Variants in OSBPL9 observed in about 807,000 individuals in gnomAD.
OSBPL9 encodes the protein oxysterol-binding protein-related protein 9.
Under a neutral mutation model 106.6 loss-of-function variants are expected in OSBPL9, and 40 were observed. The observed-to-expected ratio is 0.38, with a 90% CI of 0.29 to 0.49. OSBPL9 has a LOEUF of 0.49. Among genes scored for constraint, OSBPL9 ranks in the 20% least tolerant of loss-of-function variants. The pLI, the probability that OSBPL9 is intolerant of heterozygous loss-of-function variation, is 0.97. For missense variants in OSBPL9, 609 were observed against 887.2 expected, an observed-to-expected ratio of 0.69 and a Z score of 3.98; for synonymous variants, 269 against 295.4, an observed-to-expected ratio of 0.91 and a Z score of 0.92.
At chr1:51,689,104 A>G (rs1654434027) in intron 3 of OSBPL9, among the ~76,000 whole-genome samples, 1 of 152,190 alleles carries the variant, frequency 6.6e-6, no homozygotes, top group Non-Finnish European at 1.5e-5. Flanking sequence ...TTTTAAGTCT[A>G]AAGGGCTTCC....
intron 12 of OSBPL9, among the ~76,000 whole-genome samples, chr1:51,770,046 C>CT (rs777119645): frequency 4.6e-5 from 7 of 152,220 alleles, no homozygotes; most frequent in Admixed American, 3.3e-4. Context: ...ACACAGCTCA[C>CT]TATAGCCTCA....
intron 3 of OSBPL9, among the ~76,000 whole-genome samples, chr1:51,703,480 G>A (rs1272228393): frequency 6.6e-6 from 1 of 152,106 alleles, no homozygotes; most frequent in Non-Finnish European, 1.5e-5. Flanking sequence ...TGTGATTTTT[G>A]CACATTGATT....
the OSBPL9 span, among the ~76,000 whole-genome samples, chr1:51,569,982 G>C: frequency 6.6e-6 from 1 of 152,160 alleles, no homozygotes; most frequent in Non-Finnish European, 1.5e-5. Context: ...GGGCCACATA[G>C]CTAGCAAGGA....
intron 1 of OSBPL9, among the ~76,000 whole-genome samples, chr1:51,627,714 C>T (rs921427037): frequency 6.7e-6 from 1 of 149,838 alleles, no homozygotes; most frequent in South Asian, 2.1e-4. Flanking sequence ...AAATGTCTCT[C>T]CTAATTCTGT....
chr1:51,747,899 C>G (rs1230168705), intron 6 of OSBPL9, among the ~76,000 whole-genome samples: 1 of 152,072 alleles, frequency 6.6e-6, no homozygotes, highest in East Asian at 1.9e-4. Context: ...ACGCCATTCT[C>G]CTGCCTCAGC....
At chr1:51,710,400 T>C (rs72898062) in intron 3 of OSBPL9, among the ~76,000 whole-genome samples, 8,552 of 152,222 alleles carry the variant, frequency 0.056, 461 homozygotes, top group African/African-American at 0.14. Flanking sequence ...AAAACCCCCA[T>C]AAGATATTAT....
In OSBPL9 at chr1:51,788,825, G is replaced by GAAAT. The variant is rs1424166157; in HGVS notation, c.*1038_*1041dup. ...AGCAGCAGATGGCTCATTCTGAAGG[G>GAAAT]AAATACAGAACTATATCTATCTATC... On this transcript the variant is annotated 3_prime_UTR_variant, in exon 24 of 24. Transcript: ENST00000428468. Among the ~76,000 whole-genome samples the GAAAT allele has an allele frequency of 1.3e-5, 2 of 150,716 alleles. No homozygotes were observed. Among genetic ancestry groups the GAAAT allele is most frequent in the African/African-American group, 4.9e-5 (2 of 40,550 alleles).
At chr1:51,602,157 A>G (rs1476008580) in intron 2 of OSBPL9, among the ~76,000 whole-genome samples, 1 of 151,120 alleles carries the variant, frequency 6.6e-6, no homozygotes, top group African/African-American at 2.4e-5. Flanking sequence ...AGTAGCTGGG[A>G]CTACAGGCAC....
At chr1:51,766,057 G>A (rs1557834674) in intron 12 of OSBPL9, 76 bp downstream of exon 12, 1 of 1,353,972 alleles carries the variant, frequency 7.4e-7, no homozygotes, top group Non-Finnish European at 9.9e-7. Context: ...TGAGACTAGT[G>A]TTAATGACAG....
intron 1 of OSBPL9, among the ~76,000 whole-genome samples, chr1:51,580,931 TA>T (rs1645217495): frequency 5.3e-4 from 1 of 1,892 alleles, no homozygotes; most frequent in Non-Finnish European, 1.6e-3. Context: ...TATATATATA[TA>T]TATATATATA....
chr1:51,639,090 AAC>A (rs556696214), intron 1 of OSBPL9, among the ~76,000 whole-genome samples: 122 of 152,316 alleles, frequency 8.0e-4, no homozygotes, highest in Middle Eastern at 6.8e-3. Context: ...TCCAGTAAAA[AAC>A]ACATATTTTA....
the OSBPL9 span, among the ~76,000 whole-genome samples, chr1:51,534,859 A>G: frequency 6.6e-6 from 1 of 152,220 alleles, no homozygotes; most frequent in Non-Finnish European, 1.5e-5. Flanking sequence ...TCCTGCCTAT[A>G]AAACGAAGGG....
chr1:51,719,226 T>G (rs1488239485), intron 4 of OSBPL9, among the ~76,000 whole-genome samples: 1 of 152,220 alleles, frequency 6.6e-6, no homozygotes, highest in Non-Finnish European at 1.5e-5. Flanking sequence ...TCTTCATCCT[T>G]TCGGCTCTTA....
chr1:51,540,221 A>AT, the OSBPL9 span, among the ~76,000 whole-genome samples: 5,440 of 150,076 alleles, frequency 0.036, 140 homozygotes, highest in East Asian at 0.13. Flanking sequence ...ATTATTTTAA[A>AT]TTTTTTTTTT....
intron 3 of OSBPL9, among the ~76,000 whole-genome samples, chr1:51,688,059 A>G (rs1212589588): frequency 3.9e-5 from 6 of 152,198 alleles, no homozygotes; most frequent in Admixed American, 3.9e-4. Context: ...TTCGAAGTAT[A>G]AAAATTGACG....
intron 15 of OSBPL9, among the ~76,000 whole-genome samples, chr1:51,779,605 C>A (rs575442150): frequency 2.0e-5 from 3 of 151,734 alleles, no homozygotes; most frequent in Admixed American, 6.6e-5. Flanking sequence ...AACAGACAAC[C>A]CAGAGAGTAG....
At chr1:51,652,587 CAT>C (rs568752928) in intron 2 of OSBPL9, among the ~76,000 whole-genome samples, 35 of 152,182 alleles carry the variant, frequency 2.3e-4, no homozygotes, top group African/African-American at 7.2e-4. Flanking sequence ...GTTATTTTAA[CAT>C]GTGATTAATA....
intron 8 of OSBPL9, among the ~76,000 whole-genome samples, chr1:51,752,042 T>G (rs1669360937): frequency 6.6e-6 from 1 of 152,188 alleles, no homozygotes; most frequent in South Asian, 2.1e-4. Context: ...CTCTGTATCT[T>G]TAAACTTAAT....
intron 1 of OSBPL9, among the ~76,000 whole-genome samples, chr1:51,597,409 G>GTGTA (rs1553149015): frequency 0.012 from 1,655 of 135,670 alleles, 36 homozygotes; most frequent in African/African-American, 0.042. Context: ...ATATATGTGT[G>GTGTA]TATATATATA....
Sources: gnomAD v4.1 joint callset for allele counts (sites outside exome capture counted in the v4.1 genomes callset) on GRCh38, gnomAD v4.1.1 for gene constraint, MANE v1.5 for transcripts, NCBI Gene and HGNC (gene_info 2026-07-23, HGNC 2026-07-21) for gene names.